The following RECQL5 variants were observed in gnomAD, a reference collection of about 807,000 sequenced individuals.
The protein encoded by RECQL5 is RecQ like helicase 5.
In RECQL5, 88 loss-of-function variants were observed where a neutral mutation model predicts 103.4. The ratio of observed to expected loss-of-function variants is 0.85; its 90% confidence interval spans 0.72 to 1.02. RECQL5 has a LOEUF of 1.02. Ranked by LOEUF, RECQL5 falls within the 50% of genes least tolerant of loss-of-function variation. RECQL5 has a pLI of 0.00. For synonymous variants in RECQL5, 552 were observed against 507.9 expected, an observed-to-expected ratio of 1.09 and a Z score of -1.17; for missense variants, 1,232 against 1,284.3, an observed-to-expected ratio of 0.96 and a Z score of 0.62.
intron 8 of RECQL5, chr17:75,650,039 T>G (rs1237330240): frequency 2.0e-6 from 2 of 985,442 alleles, no homozygotes; most frequent in Admixed American, 1.2e-4. Context: ...GCCCCAGAGC[T>G]TTTTTCAGCA....
In RECQL5 at chr17:75,665,142, G is replaced by A; in HGVS notation, c.161C>T (p.Thr54Ile). The A allele has an allele frequency of 5.0e-6, 8 of 1,612,276 alleles. No homozygotes were observed. The highest frequency in any genetic ancestry group is 2.2e-5 in the East Asian group (1 of 44,740). ...GNKDVFVCMP[T>I]GAGKSLCYQL... ...ATAGCATAGGGATTTTCCTGCCCCT[G>A]TGGGCATGCACACAAAGACGTCCTT... The change falls in exon 3 of 20, where the codon ACA becomes ATA. Residue 54 changes from threonine (T) to isoleucine (I), a missense_variant. Coordinates refer to ENST00000317905, the MANE Select transcript of RECQL5 (RefSeq NM_004259.7).
Position 75,648,671 on chromosome 17 carries a change from C to CT in RECQL5, c.1229+2514dup, listed in dbSNP as rs59201126. ...ACACGCATGAGCCACGGCGCCCGGC[C>CT]TTTTTTTTTTTTTTTTTTTGAGATG... On this transcript the variant is annotated intron_variant, in intron 8 of 19. Coordinates refer to ENST00000317905, the MANE Select transcript of RECQL5 (RefSeq NM_004259.7). Among the ~76,000 whole-genome samples the CT allele has an allele frequency of 3.4e-3, 319 of 94,330 alleles. 4 individuals carry two copies. Among genetic ancestry groups the CT allele is most frequent in the African/African-American group, 0.011 (267 of 23,694 alleles). 61.9% of individuals were successfully genotyped at this position (94,330 alleles called of 152,430 possible).
chr17:75,640,295 A>G lies in RECQL5; in HGVS notation c.1230-8627T>C, dbSNP rs1450543150. On this transcript the variant is annotated intron_variant, in intron 8 of 19. Transcript: ENST00000317905. This position sits in a 1 kb window ranked among gnomAD's most constrained non-coding sequence, Gnocchi z 4.6. ...ACTGCCCCAGGCTGAGCCCGTGGAG[A>G]TCGTGGCCTTCTCAGTCATCATCCT... is the stretch of plus-strand genomic sequence containing the variant. 2.1e-5 allele frequency: 32 copies of G among 1,550,702 alleles called. No homozygotes were observed. The highest frequency in any genetic ancestry group is 2.8e-5 in the Non-Finnish European group (32 of 1,146,634).
intron 17 of RECQL5, 105 bp downstream of exon 17, chr17:75,628,567 T>G: frequency 6.6e-7 from 1 of 1,505,134 alleles, no homozygotes; most frequent in Non-Finnish European, 8.9e-7. Context: ...CTGCCAGGTG[T>G]GGAAAGAAAG....
chr17:75,662,170 A>C (rs563790932), intron 4 of RECQL5, among the ~76,000 whole-genome samples: 178 of 152,260 alleles, frequency 1.2e-3, no homozygotes, highest in Middle Eastern at 3.4e-3. Flanking sequence ...TCAAAAAAAA[A>C]ACAGGCCAAA....
rs769232097 is a variant in RECQL5, at chr17:75,629,290, CCCAGGGAGGGGCTCACTCCCATCCTCAT to C, written c.2105_2132del (p.Asp702GlyfsTer43). The C allele has an allele frequency of 5.2e-5, 82 of 1,591,630 alleles. 1 individual carries two copies. The South Asian group carries it at 9.2e-4, about 18-fold the overall frequency. ...TGCCTCCAGGGACCTCCCCTCTGGG[CCCAGGGAGGGGCTCACTCCCATCCTCAT>C]CCAGGAGGCCACAGGGCCGGCTCGG... On this transcript the variant is annotated frameshift_variant, in exon 16 of 20. Coordinates refer to ENST00000317905, the MANE Select transcript of RECQL5 (RefSeq NM_004259.7). LOFTEE classifies it high-confidence loss of function.
At chr17:75,651,368 TC>T in intron 7 of RECQL5, 103 bp from the exon 8 acceptor site, 1 of 1,337,052 alleles carries the variant, frequency 7.5e-7, no homozygotes, top group Non-Finnish European at 1.1e-6. Context: ...ACGGCTGTAA[TC>T]CCAGCACTTT....
rs2059701397 is a variant in RECQL5, at chr17:75,661,667, A to G, written c.813T>C (p.Ala271=). 6.2e-7 allele frequency: 1 copy of G among 1,614,136 alleles called. No individual in the cohort carries two copies. Among genetic ancestry groups the G allele is most frequent in the Admixed American group, 1.7e-5 (1 of 60,012 alleles). The change falls in exon 5 of 20, where the codon GCT becomes GCC. Residue 271 remains alanine (A), a synonymous_variant. Transcript: ENST00000317905. ...CGIVYCRTRE[A]CEQLAIELSC... is the part of the protein sequence containing the mutation. The stretch of plus-strand genomic sequence containing the variant: ...TGAGCTCTATGGCCAGCTGTTCACA[A>G]GCCTCTCTAGTCCTGCAGTACACAA...
In RECQL5 at chr17:75,636,251, G is replaced by A. The variant is rs893390849; in HGVS notation, c.1230-4583C>T. On this transcript the variant is annotated intron_variant, in intron 8 of 19. Transcript: ENST00000317905. The surrounding 1 kb of genome is among the most constrained non-coding windows in gnomAD (Gnocchi z 5.4). ...GGCACTACTGAGCGTGGGGTTGGGAGGGACTCTGGTTGCCCTGGTTCGCAG... is the reference window on the plus strand; with the variant it reads ...GGCACTACTGAGCGTGGGGTTGGGAAGGACTCTGGTTGCCCTGGTTCGCAG... Among the ~76,000 whole-genome samples, 2 of 152,184 alleles carry A rather than the reference G, an allele frequency of 1.3e-5. No homozygotes were observed. The highest frequency in any genetic ancestry group is 2.9e-5 in the Non-Finnish European group (2 of 68,028).
At chr17:75,645,440 C>A (rs1185003543) in intron 8 of RECQL5, among the ~76,000 whole-genome samples, 1 of 152,176 alleles carries the variant, frequency 6.6e-6, no homozygotes, top group African/African-American at 2.4e-5. Flanking sequence ...GCCCGTTCCC[C>A]ACATGTAAAA....
chr17:75,663,140 G>T (rs1489312086), intron 3 of RECQL5, 143 bp from the exon 4 acceptor site: 2 of 804,926 alleles, frequency 2.5e-6, no homozygotes, highest in Non-Finnish European at 3.9e-6. Context: ...AGTAGAGGTT[G>T]AATATCCTTT....
chr17:75,644,220 G>A (rs1317780335), intron 8 of RECQL5, among the ~76,000 whole-genome samples: 1 of 152,130 alleles, frequency 6.6e-6, no homozygotes, highest in Non-Finnish European at 1.5e-5. Context: ...CAGGAGAATT[G>A]CTTGAACCCA....
intron 8 of RECQL5, among the ~76,000 whole-genome samples, chr17:75,645,411 AG>A: frequency 6.6e-6 from 1 of 152,316 alleles, no homozygotes; most frequent in East Asian, 1.9e-4. Flanking sequence ...ACCTCGGCTA[AG>A]TTATTTAACC....
chr17:75,649,740 C>A, intron 8 of RECQL5: 2 of 985,508 alleles, frequency 2.0e-6, no homozygotes, highest in Non-Finnish European at 2.4e-6. Context: ...TTATTCCAGC[C>A]TGCTGCCTGG....
In RECQL5 at chr17:75,631,584, C is replaced by T. The variant is rs757731264; in HGVS notation, c.1314G>A (p.Thr438=). Residue 438 remains threonine, a synonymous_variant, in exon 9 of 20, where the codon ACG becomes ACA. Coordinates refer to ENST00000317905, the MANE Select transcript of RECQL5 (RefSeq NM_004259.7). ...AKGCDHCQNP[T]AVRRRLEALE... is the part of the protein sequence containing the mutation. Reference sequence around the variant, plus strand: ...AGGCCTCCAGCCGCCTCCGCACGGCCGTGGGGTTCTGGCAGTGGTCGCAGC... The same window carrying T: ...AGGCCTCCAGCCGCCTCCGCACGGCTGTGGGGTTCTGGCAGTGGTCGCAGC... 1.3e-5 allele frequency: 21 copies of T among 1,612,882 alleles called. No individual in the cohort carries two copies. The highest frequency in any genetic ancestry group is 4.0e-5 in the African/African-American group (3 of 74,946).
chr17:75,662,029 C>T (rs1000895144), intron 4 of RECQL5, among the ~76,000 whole-genome samples: 4 of 152,162 alleles, frequency 2.6e-5, no homozygotes, highest in Non-Finnish European at 4.4e-5. Context: ...GGAGTGGTGG[C>T]GCATGCCTGT....
chr17:75,653,912 C>T (rs1269444459), intron 7 of RECQL5, among the ~76,000 whole-genome samples: 1 of 150,094 alleles, frequency 6.7e-6, no homozygotes, highest in Admixed American at 6.6e-5. Flanking sequence ...CAAAACAAAA[C>T]AAAACAAAAA....
chr17:75,649,693 C>G, intron 8 of RECQL5: 1 of 985,474 alleles, frequency 1.0e-6, no homozygotes, highest in Non-Finnish European at 1.2e-6. Context: ...TTCACTTATT[C>G]AAAGAACAGT....
Position 75,662,843 on chromosome 17 carries a change from G to C in RECQL5, c.407C>G (p.Ser136Cys). The change falls in exon 4 of 20, where the codon TCC (serine) becomes TGC (cysteine). Residue 136 changes from serine (S) to cysteine (C), a missense_variant. Coordinates refer to ENST00000317905, the MANE Select transcript of RECQL5 (RefSeq NM_004259.7). Reference sequence around the variant, plus strand: ...GGAGTTCAGGGTGGGCTGGAAGGAGGATGAAGCTGCCATCTCTGGGGTGAT... The same window carrying C: ...GGAGTTCAGGGTGGGCTGGAAGGAGCATGAAGCTGCCATCTCTGGGGTGAT... ...LYITPEMAASSSFQPTLNSLV... is the reference protein window; with the variant it reads ...LYITPEMAASCSFQPTLNSLV... 6.2e-7 allele frequency: 1 copy of C among 1,614,154 alleles called. No individual in the cohort carries two copies. Among genetic ancestry groups the C allele is most frequent in the African/African-American group, 1.3e-5 (1 of 75,056 alleles).
Sources: gnomAD v4.1 joint callset for allele counts (sites outside exome capture counted in the v4.1 genomes callset) on GRCh38, gnomAD v4.1.1 for gene constraint, Gnocchi (gnomAD v3.1) non-coding constraint, MANE v1.5 for transcripts, NCBI Gene and HGNC (gene_info 2026-07-23, HGNC 2026-07-21) for gene names.